Variants in PADI2 observed in about 807,000 individuals in gnomAD.
PADI2 encodes protein-arginine deiminase type-2.
A neutral mutation model predicts 81.1 loss-of-function variants in PADI2; 70 were observed. The ratio of observed to expected loss-of-function variants is 0.86; its 90% confidence interval spans 0.71 to 1.05. The LOEUF (loss-of-function observed/expected upper bound fraction) is 1.05, where lower values mean the gene tolerates loss of function less well. PADI2 is among the 50% of genes least tolerant of loss of function. PADI2 has a pLI of 0.00. For missense variants in PADI2, 853 were observed against 889.9 expected, an observed-to-expected ratio of 0.96 and a Z score of 0.53; for synonymous variants, 338 against 358.0, an observed-to-expected ratio of 0.94 and a Z score of 0.63.
At chr1:17,112,927 C>A (rs146494452) in intron 1 of PADI2, among the ~76,000 whole-genome samples, 2 of 152,208 alleles carry the variant, frequency 1.3e-5, no homozygotes, top group African/African-American at 4.8e-5. Flanking sequence ...TGAAGCTGTG[C>A]CCTTTCTGTC....
At chr1:17,112,555 T>C (rs1185766188) in intron 1 of PADI2, among the ~76,000 whole-genome samples, 2 of 151,930 alleles carry the variant, frequency 1.3e-5, no homozygotes, top group African/African-American at 4.8e-5. Flanking sequence ...CAGCCTGTCA[T>C]GCAACCCCAT....
At position 17,119,196 on chromosome 1, in the gene PADI2, G is replaced by A; in HGVS notation, c.92+84C>T. On this transcript the variant is annotated intron_variant, in intron 1 of 15. Coordinates refer to ENST00000375486, the MANE Select transcript of PADI2 (RefSeq NM_007365.3). This position sits in a 1 kb window ranked among gnomAD's most constrained non-coding sequence, Gnocchi z 4.8. The stretch of plus-strand genomic sequence containing the variant: ...GAGGGACAACTCGGGCTGGACAAAG[G>A]CTGTCCACGTCCCCGAGTCTGAGCG... 1.0e-6 allele frequency: 1 copy of A among 974,080 alleles called. No individual in the cohort carries two copies. Among genetic ancestry groups the A allele is most frequent in the Non-Finnish European group, 1.5e-6 (1 of 657,252 alleles). 60.3% of individuals were successfully genotyped at this position (974,080 alleles called of 1,614,324 possible).
At chr1:17,088,865 C>G (rs1361261458) in intron 6 of PADI2, among the ~76,000 whole-genome samples, 3 of 143,762 alleles carry the variant, frequency 2.1e-5, no homozygotes, top group Non-Finnish European at 4.5e-5. Context: ...CAAGATTGCA[C>G]CACTGCACTC....
chr1:17,094,977 C>T (rs777840509), intron 4 of PADI2, among the ~76,000 whole-genome samples: 16 of 152,222 alleles, frequency 1.1e-4, no homozygotes, highest in Non-Finnish European at 2.2e-4. Context: ...GCTGAGAACC[C>T]TCTCCTGACC....
intron 1 of PADI2, among the ~76,000 whole-genome samples, chr1:17,112,633 C>T (rs760419055): frequency 6.6e-6 from 1 of 152,078 alleles, no homozygotes; most frequent in African/African-American, 2.4e-5. Flanking sequence ...ACCTGGTGCT[C>T]GGCATGGTGG....
chr1:17,117,655 A>G (rs1010320357), intron 1 of PADI2, among the ~76,000 whole-genome samples: 1 of 152,222 alleles, frequency 6.6e-6, no homozygotes. Flanking sequence ...TTGCCAGGAT[A>G]GAGCGATAGC....
At chr1:17,116,154 A>AT (rs1931752481) in intron 1 of PADI2, among the ~76,000 whole-genome samples, 1 of 152,176 alleles carries the variant, frequency 6.6e-6, no homozygotes, top group Non-Finnish European at 1.5e-5. Flanking sequence ...AAGTGAAGCG[A>AT]TTTGCTCAAG....
chr1:17,097,565 A>G (rs1447577426), intron 3 of PADI2, among the ~76,000 whole-genome samples: 1 of 152,162 alleles, frequency 6.6e-6, no homozygotes, highest in Non-Finnish European at 1.5e-5. Flanking sequence ...GAGCTGTACC[A>G]GGCAACGGGC....
In PADI2 at chr1:17,095,984, A is replaced by G. The variant is rs771398890; in HGVS notation, c.350-14T>C. ...CCAGGGAGATCTCTGGGGAGAAGAGACATGGGTGAGTTGCTGAGCCTGCCA... is the reference window on the plus strand; with the variant it reads ...CCAGGGAGATCTCTGGGGAGAAGAGGCATGGGTGAGTTGCTGAGCCTGCCA... On this transcript the variant is annotated splice_polypyrimidine_tract_variant and intron_variant, in intron 3 of 15. Coordinates refer to ENST00000375486, the MANE Select transcript of PADI2 (RefSeq NM_007365.3). 1.3e-6 allele frequency: 2 copies of G among 1,598,356 alleles called. No homozygotes were observed. The highest frequency in any genetic ancestry group is 2.7e-5 in the African/African-American group (2 of 74,638).
At chr1:17,090,437 G>A (rs1386663682) in intron 6 of PADI2, among the ~76,000 whole-genome samples, 1 of 152,202 alleles carries the variant, frequency 6.6e-6, no homozygotes, top group Non-Finnish European at 1.5e-5. Flanking sequence ...CAGCCCCCTG[G>A]CCTTGGGGAG....
At chr1:17,092,229 G>A (rs1423266598) in intron 6 of PADI2, among the ~76,000 whole-genome samples, 179 bp downstream of exon 6, 1 of 152,102 alleles carries the variant, frequency 6.6e-6, no homozygotes, top group African/African-American at 2.4e-5. Context: ...GAGAGGAGGA[G>A]CGATGTGTCC....
rs1239412552 is a variant in PADI2 at position 17,089,175 on chromosome 1, C to T, written c.656-2476G>A. Among the ~76,000 whole-genome samples, 7 of 152,158 alleles carry T rather than the reference C, an allele frequency of 4.6e-5. No individual in the cohort carries two copies. In the East Asian group the frequency reaches 9.6e-4, roughly 21 times the overall value. ...GGGAAACCACGTCCCACCTCATCCT[C>T]CCTTGGGAGGGAGGAGTCCAAGAAA... is the stretch of plus-strand genomic sequence containing the variant. On this transcript the variant is annotated intron_variant, in intron 6 of 15. Transcript: ENST00000375486.
At chr1:17,110,059 A>G (rs1931522700) in intron 1 of PADI2, among the ~76,000 whole-genome samples, 1 of 152,098 alleles carries the variant, frequency 6.6e-6, no homozygotes, top group African/African-American at 2.4e-5. Flanking sequence ...CTGAGCAAAC[A>G]GCTATTCTTG....
Position 17,119,070 on chromosome 1 carries a change from C to G in PADI2, c.92+210G>C, listed in dbSNP as rs976902696. On this transcript the variant is annotated intron_variant, in intron 1 of 15. Transcript: ENST00000375486. This position sits in a 1 kb window ranked among gnomAD's most constrained non-coding sequence, Gnocchi z 4.8. ...TGGGGCTGAGGCTGTGTTAGGGGGT[C>G]TGGGAGAGTCTCAGGGTTTCTGGAA... Among the ~76,000 whole-genome samples, 1 of 151,696 alleles carries G rather than the reference C, an allele frequency of 6.6e-6. No individual in the cohort carries two copies. The highest frequency in any genetic ancestry group is 2.4e-5 in the African/African-American group (1 of 41,210).
rs1225394660 is a variant in PADI2, at chr1:17,069,273, T to C, written c.1769A>G (p.Asn590Ser). The change falls in exon 16 of 16, where the codon AAC becomes AGC. Residue 590 changes from asparagine (N) to serine (S), a missense_variant. Asn to Ser is a conservative substitution (Grantham distance 46). Coordinates refer to ENST00000375486, the MANE Select transcript of PADI2 (RefSeq NM_007365.3). ...CAGGTCCTTGTCCAGCACGATCATGTTCACCTGTGACGGGGGATTGCGATG... is the reference window on the plus strand; with the variant it reads ...CAGGTCCTTGTCCAGCACGATCATGCTCACCTGTGACGGGGGATTGCGATG... ...RARAFFPNMV[N>S]MIVLDKDLGI... is the part of the protein sequence containing the mutation. 6.2e-7 allele frequency: 1 copy of C among 1,613,372 alleles called. No homozygotes were observed.
chr1:17,102,127 C>T (rs1188911355), intron 3 of PADI2, among the ~76,000 whole-genome samples: 1 of 152,230 alleles, frequency 6.6e-6, no homozygotes, highest in East Asian at 1.9e-4. Context: ...ACTGGTAGTT[C>T]CCTTCCTCTG....
At chr1:17,077,497 T>A (rs955993252) in intron 11 of PADI2, among the ~76,000 whole-genome samples, 10 of 152,240 alleles carry the variant, frequency 6.6e-5, no homozygotes, top group African/African-American at 2.2e-4. Flanking sequence ...TCCCTGTTAT[T>A]CTTTCTATCG....
At position 17,115,910 on chromosome 1, in the gene PADI2, A is replaced by G. The variant is rs1208538825; in HGVS notation, c.92+3370T>C. Among the ~76,000 whole-genome samples the G allele has an allele frequency of 6.6e-6, 1 of 152,256 alleles. No individual in the cohort carries two copies. Among genetic ancestry groups the G allele is most frequent in the Non-Finnish European group, 1.5e-5 (1 of 68,034 alleles). On this transcript the variant is annotated intron_variant, in intron 1 of 15. Coordinates refer to ENST00000375486, the MANE Select transcript of PADI2 (RefSeq NM_007365.3). The surrounding 1 kb of genome is among the most constrained non-coding windows in gnomAD (Gnocchi z 4.1). ...ATCTATTCATTGCTTGCTGGAGACT[A>G]GCAGTCAGAATGAGGCTAGGTCAAG...
At chr1:17,071,570 G>C in intron 13 of PADI2, 79 bp from the exon 14 acceptor site, 1 of 1,135,532 alleles carries the variant, frequency 8.8e-7, no homozygotes, top group South Asian at 1.3e-5. Context: ...AGATCCTCCA[G>C]GCCTGGGCTA....
Sources: allele counts gnomAD v4.1 joint callset (sites outside exome capture counted in the v4.1 genomes callset), GRCh38; gene constraint gnomAD v4.1.1; non-coding constraint Gnocchi (gnomAD v3.1); transcripts MANE v1.5; gene names NCBI Gene and HGNC (gene_info 2026-07-23, HGNC 2026-07-21).